Variants in CNTNAP5 observed in about 807,000 individuals in gnomAD.
CNTNAP5 encodes the protein contactin-associated protein-like 5.
In CNTNAP5, 72 loss-of-function variants were observed where a neutral mutation model predicts 150.2. The ratio of observed to expected loss-of-function variants is 0.48; its 90% CI spans 0.40 to 0.58. The LOEUF is 0.58. Among genes scored for constraint, CNTNAP5 ranks in the 20% least tolerant of loss-of-function variants. CNTNAP5 has a pLI of 0.00. For synonymous variants in CNTNAP5, 672 were observed against 619.8 expected, an observed-to-expected ratio of 1.08 and a Z score of -1.25; for missense variants, 1,636 against 1,626.2, an observed-to-expected ratio of 1.01 and a Z score of -0.10.
chr2:124,260,707 C>A (rs181812442), intron 3 of CNTNAP5, among the ~76,000 whole-genome samples: 187 of 152,250 alleles, frequency 1.2e-3, no homozygotes, highest in African/African-American at 4.3e-3. Context: ...CATCATAAAA[C>A]AAATGGTTTT....
At chr2:124,909,190 AGTGCCCT>A (rs1678603159) in intron 22 of CNTNAP5, among the ~76,000 whole-genome samples, 1 of 152,140 alleles carries the variant, frequency 6.6e-6, no homozygotes, top group Non-Finnish European at 1.5e-5. Context: ...ATTCATGATA[AGTGCCCT>A]GTGCAGGTGT....
chr2:124,629,453 G>T (rs1046021912), intron 12 of CNTNAP5, among the ~76,000 whole-genome samples: 1 of 152,182 alleles, frequency 6.6e-6, no homozygotes, highest in African/African-American at 2.4e-5. Context: ...ACCTGCTCCT[G>T]AATGACTCCT....
intron 1 of CNTNAP5, among the ~76,000 whole-genome samples, chr2:124,177,555 T>A (rs191772849): frequency 6.6e-6 from 1 of 152,090 alleles, no homozygotes; most frequent in Non-Finnish European, 1.5e-5. Flanking sequence ...TCTGTCCTAA[T>A]CTAAAAAGTG....
chr2:124,507,183 G>A (rs1694429564), intron 8 of CNTNAP5, among the ~76,000 whole-genome samples: 1 of 152,134 alleles, frequency 6.6e-6, no homozygotes, highest in Non-Finnish European at 1.5e-5. Context: ...TATGGGCCAG[G>A]CACGGTGGCT....
At chr2:124,771,787 A>G (rs781469163) in intron 16 of CNTNAP5, among the ~76,000 whole-genome samples, 12 of 150,938 alleles carry the variant, frequency 8.0e-5, no homozygotes, top group Non-Finnish European at 1.6e-4. Context: ...CATCACCATC[A>G]CTGTCACCAT....
At chr2:124,068,459 T>C (rs1682218297) in intron 1 of CNTNAP5, among the ~76,000 whole-genome samples, 1 of 152,122 alleles carries the variant, frequency 6.6e-6, no homozygotes. Context: ...AACTTGAGTT[T>C]CTTAGAAGCC....
intron 19 of CNTNAP5, among the ~76,000 whole-genome samples, chr2:124,842,169 T>A (rs1022051226): frequency 6.6e-6 from 1 of 152,132 alleles, no homozygotes; most frequent in African/African-American, 2.4e-5. Flanking sequence ...CTGTAAATTA[T>A]ATATAAATAA....
Position 124,868,882 on chromosome 2 carries a change from G to A in CNTNAP5, c.3349-793G>A, listed in dbSNP as rs190960519. 1.5e-3 allele frequency among the ~76,000 whole-genome samples: 226 copies of A among 152,230 alleles called. 1 individual carries two copies. Among genetic ancestry groups the A allele is most frequent in the Non-Finnish European group, 2.6e-3 (180 of 68,006 alleles). Reference sequence around the variant, plus strand: ...ACTCTTTCTGGGAATAGCACCATATGCATAGTCAGAGTAGAGCCTGGAAGA... The same window carrying A: ...ACTCTTTCTGGGAATAGCACCATATACATAGTCAGAGTAGAGCCTGGAAGA... On this transcript the variant is annotated intron_variant, in intron 20 of 23. Coordinates refer to ENST00000682447, the MANE Select transcript of CNTNAP5 (RefSeq NM_001367498.1).
At chr2:124,854,150 C>T (rs1284715359) in intron 19 of CNTNAP5, among the ~76,000 whole-genome samples, 1 of 152,148 alleles carries the variant, frequency 6.6e-6, no homozygotes, top group East Asian at 1.9e-4. Context: ...CTTATAACCA[C>T]TTATTGATTT....
intron 8 of CNTNAP5, among the ~76,000 whole-genome samples, chr2:124,519,898 G>T (rs1694814536): frequency 6.6e-6 from 1 of 152,106 alleles, no homozygotes; most frequent in Non-Finnish European, 1.5e-5. Flanking sequence ...GATGCCCTAG[G>T]CTGAATTCCA....
chr2:124,310,893 C>T (rs572274931), intron 3 of CNTNAP5, among the ~76,000 whole-genome samples: 49 of 152,284 alleles, frequency 3.2e-4, no homozygotes, highest in Non-Finnish European at 4.3e-4. Flanking sequence ...AGCCCCAGGG[C>T]CTTGTGCAAG....
chr2:124,592,261 G>A (rs1358960658), intron 11 of CNTNAP5, among the ~76,000 whole-genome samples: 4 of 151,936 alleles, frequency 2.6e-5, no homozygotes, highest in Non-Finnish European at 5.9e-5. Flanking sequence ...CTGGGTCAAA[G>A]TTTAAATGTA....
At chr2:124,843,839 C>A (rs1046410959) in intron 19 of CNTNAP5, among the ~76,000 whole-genome samples, 1 of 152,088 alleles carries the variant, frequency 6.6e-6, no homozygotes, top group Non-Finnish European at 1.5e-5. Context: ...CCTTAGCCCA[C>A]TTTTTGATGA....
chr2:124,592,294 C>A (rs185190844), intron 11 of CNTNAP5, among the ~76,000 whole-genome samples: 10 of 151,992 alleles, frequency 6.6e-5, no homozygotes, highest in African/African-American at 2.4e-4. Flanking sequence ...CTAGATATTG[C>A]TAAATTCCAC....
chr2:124,727,681 C>T (rs961399262), intron 13 of CNTNAP5, among the ~76,000 whole-genome samples: 15 of 151,922 alleles, frequency 9.9e-5, no homozygotes, highest in Admixed American at 5.9e-4. Context: ...GCAACTTTAC[C>T]GAATTCATCT....
chr2:124,538,578 A>G (rs1695300899), intron 10 of CNTNAP5, among the ~76,000 whole-genome samples: 1 of 151,412 alleles, frequency 6.6e-6, no homozygotes, highest in African/African-American at 2.4e-5. Context: ...AGAAAGAAAG[A>G]AGGAAGGAAA....
At chr2:124,194,347 G>T (rs1685527807) in intron 1 of CNTNAP5, among the ~76,000 whole-genome samples, 1 of 120,976 alleles carries the variant, frequency 8.3e-6, no homozygotes, top group Non-Finnish European at 1.7e-5. Context: ...ATTGCACATA[G>T]CACAGGTATA....
intron 1 of CNTNAP5, among the ~76,000 whole-genome samples, chr2:124,044,889 AACACAC>A (rs147761848): frequency 0.091 from 13,053 of 143,982 alleles, 808 homozygotes; most frequent in Admixed American, 0.21. Context: ...GTAGTGAGGA[AACACAC>A]ACACACACAC....
At chr2:124,857,882 C>G (rs944710171) in intron 19 of CNTNAP5, among the ~76,000 whole-genome samples, 5 of 151,958 alleles carry the variant, frequency 3.3e-5, no homozygotes, top group African/African-American at 9.7e-5. Context: ...ATAACACACT[C>G]TAGGCGAGAC....
Sources: gnomAD v4.1 joint callset for allele counts (sites outside exome capture counted in the v4.1 genomes callset) on GRCh38, gnomAD v4.1.1 for gene constraint, MANE v1.5 for transcripts, NCBI Gene and HGNC (gene_info 2026-07-23, HGNC 2026-07-21) for gene names.